FBXO8: variants seen among roughly 807,000 people sequenced by gnomAD.
The protein encoded by FBXO8 is F-box protein 8, also known as F-box only protein 8.
In FBXO8, 15 loss-of-function variants were observed where a neutral mutation model predicts 33.4. That is an observed-to-expected ratio of 0.45 (90% CI 0.30 to 0.69). FBXO8 has a LOEUF of 0.69. Ranked by LOEUF, FBXO8 falls within the 30% of genes least tolerant of loss-of-function variation. The pLI, the probability that FBXO8 is intolerant of heterozygous loss-of-function variation, is 0.08. For synonymous variants in FBXO8, 132 were observed against 131.5 expected (o/e 1.00, Z -0.02); for missense variants, 274 against 380.3 (o/e 0.72, Z 2.32).
intron 3 of FBXO8, among the ~76,000 whole-genome samples, chr4:174,246,753 T>C (rs1736168225): frequency 1.3e-5 from 2 of 151,994 alleles, no homozygotes; most frequent in African/African-American, 4.8e-5. Context: ...CTGGAGTTTA[T>C]AATGATTAGC....
At chr4:174,268,626 C>A (rs907141638) in intron 1 of FBXO8, among the ~76,000 whole-genome samples, 144 of 152,062 alleles carry the variant, frequency 9.5e-4, no homozygotes, top group African/African-American at 2.5e-3. Context: ...TTAGTAGAGA[C>A]GGGGTTTCAC....
At chr4:174,242,812 C>T (rs990550142) in intron 3 of FBXO8, among the ~76,000 whole-genome samples, 4 of 151,444 alleles carry the variant, frequency 2.6e-5, no homozygotes, top group Non-Finnish European at 4.4e-5. Context: ...ACTCAATCTG[C>T]TTAGCAAAAG....
rs1406800763 is a variant in FBXO8 at position 174,255,767 on chromosome 4, G to A, written c.456+3932C>T. ...CAAGAAAGTGTTTTAATATACATTG[G>A]AGCACAAGTAATATAGTTTACTGGT... On this transcript the variant is annotated intron_variant, in intron 3 of 5. Transcript: ENST00000393674. This position sits in a 1 kb window ranked among gnomAD's most constrained non-coding sequence, Gnocchi z 4.3. Among the ~76,000 whole-genome samples, 2 of 152,020 alleles carry A rather than the reference G, an allele frequency of 1.3e-5. No homozygotes were observed. Among genetic ancestry groups the A allele is most frequent in the African/African-American group, 4.8e-5 (2 of 41,378 alleles).
rs1035512209 is a variant in FBXO8 at position 174,251,136 on chromosome 4, T to C, written c.456+8563A>G. Among the ~76,000 whole-genome samples, 2 of 152,156 alleles carry C rather than the reference T, an allele frequency of 1.3e-5. No individual in the cohort carries two copies. Among genetic ancestry groups the C allele is most frequent in the African/African-American group, 4.8e-5 (2 of 41,446 alleles). Reference sequence around the variant, plus strand: ...CATTGTAGCATATCATATTTTAATATTAAAAATTTAAAAATGTATCCTAGG... The same window carrying C: ...CATTGTAGCATATCATATTTTAATACTAAAAATTTAAAAATGTATCCTAGG... On this transcript the variant is annotated intron_variant, in intron 3 of 5. Transcript: ENST00000393674. The surrounding 1 kb of genome is among the most constrained non-coding windows in gnomAD (Gnocchi z 4.2).
intron 2 of FBXO8, among the ~76,000 whole-genome samples, chr4:174,260,823 T>C (rs2126435317): frequency 6.6e-6 from 1 of 152,174 alleles, no homozygotes; most frequent in Middle Eastern, 3.4e-3. Context: ...GATGAGTCTT[T>C]GTCTCAAAAT....
chr4:174,244,011 G>A (rs1579018894), intron 3 of FBXO8, among the ~76,000 whole-genome samples: 1 of 151,434 alleles, frequency 6.6e-6, no homozygotes, highest in African/African-American at 2.4e-5. Context: ...AGAGCGGAGG[G>A]ACATAGGAGT....
rs1736901048 is a variant in FBXO8, at chr4:174,274,224, A to C, written c.-9+9186T>G. ...GGCTTTGATGTGAAGAAAGATCAGC[A>C]TCAAACCCCAACACGGAATCTGATT... On this transcript the variant is annotated intron_variant, in intron 1 of 5. Transcript: ENST00000393674. The surrounding 1 kb of genome is among the most constrained non-coding windows in gnomAD (Gnocchi z 4.0). 6.6e-6 allele frequency among the ~76,000 whole-genome samples: 1 copy of C among 150,882 alleles called. No individual in the cohort carries two copies. Among genetic ancestry groups the C allele is most frequent in the Non-Finnish European group, 1.5e-5 (1 of 67,170 alleles).
chr4:174,239,328 T>C, intron 4 of FBXO8, 138 bp from the exon 5 acceptor site: 3 of 463,390 alleles, frequency 6.5e-6, no homozygotes, highest in Non-Finnish European at 1.1e-5. Context: ...TAAAAGTATA[T>C]ATAATTCCCA....
At position 174,257,867 on chromosome 4, in the gene FBXO8, A is replaced by G. The variant is rs1736453003; in HGVS notation, c.456+1832T>C. On this transcript the variant is annotated intron_variant, in intron 3 of 5. Transcript: ENST00000393674. The surrounding 1 kb of genome is among the most constrained non-coding windows in gnomAD (Gnocchi z 4.3). Reference sequence around the variant, plus strand: ...AGCCTCCGGAGTAGCTGGGACCACAAGAATGCACCACAATGCCTAGCTAAT... The same window carrying G: ...AGCCTCCGGAGTAGCTGGGACCACAGGAATGCACCACAATGCCTAGCTAAT... 6.6e-6 allele frequency among the ~76,000 whole-genome samples: 1 copy of G among 151,924 alleles called. No individual in the cohort carries two copies. The highest frequency in any genetic ancestry group is 6.6e-5 in the Admixed American group (1 of 15,230).
At chr4:174,282,713 C>T (rs1282516335) in intron 1 of FBXO8, among the ~76,000 whole-genome samples, 1 of 152,088 alleles carries the variant, frequency 6.6e-6, no homozygotes, top group Non-Finnish European at 1.5e-5. Context: ...TGTGGATATA[C>T]ACCTAGGAGC....
chr4:174,239,246 G>GT (rs1735972081), intron 4 of FBXO8, 56 bp from the exon 5 acceptor site: 1 of 1,250,864 alleles, frequency 8.0e-7, no homozygotes, highest in Non-Finnish European at 1.1e-6. Flanking sequence ...TAAAAAAATG[G>GT]TAAGAAAAAT....
intron 1 of FBXO8, among the ~76,000 whole-genome samples, chr4:174,264,576 C>T (rs927948585): frequency 5.9e-5 from 9 of 152,110 alleles, no homozygotes; most frequent in African/African-American, 2.2e-4. Flanking sequence ...ATTTTTAACT[C>T]TTCCCCCACC....
chr4:174,249,492 A>C (rs1328543065), intron 3 of FBXO8, among the ~76,000 whole-genome samples: 3 of 152,044 alleles, frequency 2.0e-5, no homozygotes, highest in Non-Finnish European at 2.9e-5. Flanking sequence ...CAACTGTTTA[A>C]ATGACTAACC....
chr4:174,248,026 C>G (rs1282032726), intron 3 of FBXO8, among the ~76,000 whole-genome samples: 1 of 151,950 alleles, frequency 6.6e-6, no homozygotes, highest in East Asian at 1.9e-4. Flanking sequence ...ATTTATTATG[C>G]AAATAAAAAA....
chr4:174,260,661 TCA>T (rs1736537037), intron 2 of FBXO8, among the ~76,000 whole-genome samples: 1 of 151,982 alleles, frequency 6.6e-6, no homozygotes, highest in Non-Finnish European at 1.5e-5. Context: ...TTCTAACTCT[TCA>T]CAGAGGCAAT....
intron 1 of FBXO8, among the ~76,000 whole-genome samples, chr4:174,280,249 C>T (rs1048599288): frequency 5.9e-5 from 9 of 151,910 alleles, no homozygotes; most frequent in African/African-American, 1.9e-4. Flanking sequence ...GTCAACATCA[C>T]TAATCATTAG....
Position 174,245,876 on chromosome 4 carries a change from GA to G in FBXO8, c.457-4659del, listed in dbSNP as rs1027426176. On this transcript the variant is annotated intron_variant, in intron 3 of 5. Coordinates refer to ENST00000393674, the MANE Select transcript of FBXO8 (RefSeq NM_012180.3). This position sits in a 1 kb window ranked among gnomAD's most constrained non-coding sequence, Gnocchi z 4.6. ...AGCTGATGGTTCTGGCTTAGATGAA[GA>G]GGGAAATGACTGACAGAAAAATGAT... Among the ~76,000 whole-genome samples the G allele has an allele frequency of 3.0e-4, 46 of 151,974 alleles. No individual in the cohort carries two copies. Among genetic ancestry groups the G allele is most frequent in the African/African-American group, 1.1e-3 (46 of 41,490 alleles).
rs1347397519 is a variant in FBXO8, at chr4:174,256,095, C to T, written c.456+3604G>A. On this transcript the variant is annotated intron_variant, in intron 3 of 5. Transcript: ENST00000393674. This position sits in a 1 kb window ranked among gnomAD's most constrained non-coding sequence, Gnocchi z 4.6. ...CAGCAGCTGCTGTGGAGCTTGGTTA[C>T]CCATATCCGTGACATGAACGGTGTC... 4 of 455,970 alleles carry T rather than the reference C, an allele frequency of 8.8e-6. No homozygotes were observed. Among genetic ancestry groups the T allele is most frequent in the Non-Finnish European group, 1.8e-5 (4 of 226,862 alleles). The allele number at this position is 455,970 out of a possible 1,614,324, so 28.2% of individuals were successfully genotyped here.
intron 3 of FBXO8, among the ~76,000 whole-genome samples, chr4:174,242,069 T>C (rs1258021781): frequency 6.6e-6 from 1 of 151,514 alleles, no homozygotes; most frequent in African/African-American, 2.4e-5. Context: ...GTTATTGAAA[T>C]AAAAGGCAGG....
Sources: allele counts gnomAD v4.1 joint callset (sites outside exome capture counted in the v4.1 genomes callset), GRCh38; gene constraint gnomAD v4.1.1; non-coding constraint Gnocchi (gnomAD v3.1); transcripts MANE v1.5; gene names NCBI Gene and HGNC (gene_info 2026-07-23, HGNC 2026-07-21).